Variants in SPRED3 observed in about 807,000 individuals in gnomAD.
The protein encoded by SPRED3 is sprouty-related, EVH1 domain-containing protein 3.
In SPRED3, 23 loss-of-function variants were observed where a neutral mutation model predicts 37.6. That is an observed-to-expected ratio of 0.61 (90% confidence interval 0.44 to 0.87). The LOEUF is 0.87. Among genes scored for constraint, SPRED3 ranks in the 40% least tolerant of loss-of-function variants. SPRED3 has a pLI of 0.00. For missense variants in SPRED3, 584 were observed against 618.6 expected, an observed-to-expected ratio of 0.94 and a Z score of 0.59; for synonymous variants, 302 against 279.6, an observed-to-expected ratio of 1.08 and a Z score of -0.80.
At chr19:38,392,475 C>T (rs960105730) in intron 4 of SPRED3, 187 bp downstream of exon 4, 6 of 647,090 alleles carry the variant, frequency 9.3e-6, no homozygotes, top group East Asian at 5.7e-5. Flanking sequence ...ATGATTCACA[C>T]GTTCATTCAA....
At chr19:38,391,329 A>G (rs1207619811) in intron 2 of SPRED3, among the ~76,000 whole-genome samples, 1 of 150,742 alleles carries the variant, frequency 6.6e-6, no homozygotes, top group Non-Finnish European at 1.5e-5. Context: ...ATCTGGAAAA[A>G]AAAAAAAAAA....
intron 2 of SPRED3, 45 bp from the exon 3 acceptor site, chr19:38,391,901 T>C (rs750141396): frequency 3.7e-6 from 6 of 1,605,008 alleles, no homozygotes; most frequent in Non-Finnish European, 5.1e-6. Context: ...GTCACAGGCA[T>C]GTCTGGGTTG....
In SPRED3 at chr19:38,395,191, G is replaced by A. The variant is rs1970879973; in HGVS notation, c.568-289G>A. The stretch of plus-strand genomic sequence containing the variant: ...GCGCCTTTAAGGAGGAGGTGGCTGG[G>A]TCCAGAACCCCTGGATCTCAAGGTA... On this transcript the variant is annotated intron_variant, in intron 5 of 5. Coordinates refer to ENST00000691638, the MANE Select transcript of SPRED3 (RefSeq NM_001394336.1). This position sits in a 1 kb window ranked among gnomAD's most constrained non-coding sequence, Gnocchi z 5.2. Among the ~76,000 whole-genome samples the A allele has an allele frequency of 6.6e-6, 1 of 152,070 alleles. No homozygotes were observed. Among genetic ancestry groups the A allele is most frequent in the African/African-American group, 2.4e-5 (1 of 41,404 alleles).
In SPRED3 at chr19:38,396,324, G is replaced by T. The variant is rs1970897528; in HGVS notation, c.*179G>T. On this transcript the variant is annotated 3_prime_UTR_variant, in exon 6 of 6. Transcript: ENST00000691638. ...CCAAACCTAGGACTGAGAGACCCCA[G>T]CCCCAGCTTCATTGGGGTGTCTGTC... is the stretch of plus-strand genomic sequence containing the variant. 2.5e-6 allele frequency: 1 copy of T among 404,884 alleles called. No homozygotes were observed. Among genetic ancestry groups the T allele is most frequent in the African/African-American group, 2.1e-5 (1 of 47,788 alleles). The allele number at this position is 404,884 out of a possible 1,614,324, so 25.1% of individuals were successfully genotyped here. A position where few individuals can be genotyped will look rare whatever the true frequency, so the allele number is the denominator to read the frequency against.
intron 4 of SPRED3, 129 bp downstream of exon 4, chr19:38,392,417 C>A: frequency 2.0e-6 from 2 of 1,022,688 alleles, no homozygotes; most frequent in Non-Finnish European, 2.7e-6. Flanking sequence ...TGGGCCGGAA[C>A]TATGAGTGTC....
In SPRED3 at chr19:38,395,658, G is replaced by A. The variant is rs772718996; in HGVS notation, c.746G>A (p.Gly249Asp). 6.6e-7 allele frequency: 1 copy of A among 1,519,888 alleles called. No individual in the cohort carries two copies. Among genetic ancestry groups the A allele is most frequent in the Non-Finnish European group, 8.7e-7 (1 of 1,144,764 alleles). 94.2% of individuals were successfully genotyped at this position (1,519,888 alleles called of 1,614,324 possible). ...VRFAKTGALR[G>D]AALGPPAALP... is the part of the protein sequence containing the mutation. The stretch of plus-strand genomic sequence containing the variant: ...TTCGCCAAGACCGGCGCGTTGAGGG[G>A]CGCTGCCCTGGGTCCCCCAGCGGCA... The change falls in exon 6 of 6, where the codon GGC becomes GAC. Residue 249 changes from glycine to aspartate, a missense_variant. Gly to Asp is a moderately conservative substitution (Grantham distance 94). Coordinates refer to ENST00000691638, the MANE Select transcript of SPRED3 (RefSeq NM_001394336.1). This position sits in a 1 kb window ranked among gnomAD's most constrained non-coding sequence, Gnocchi z 5.2.
rs531835354 is a variant in SPRED3 at position 38,396,271 on chromosome 19, G to A, written c.*126G>A. The stretch of plus-strand genomic sequence containing the variant: ...GGAACTTGGAGCTTGAGTTTGGATT[G>A]AGAGATCTCAGACCTGGAACCTGGA... On this transcript the variant is annotated 3_prime_UTR_variant, in exon 6 of 6. Coordinates refer to ENST00000691638, the MANE Select transcript of SPRED3 (RefSeq NM_001394336.1). The A allele has an allele frequency of 2.5e-5, 18 of 706,702 alleles. No homozygotes were observed. Among genetic ancestry groups the A allele is most frequent in the Admixed American group, 1.4e-4 (3 of 21,688 alleles). The allele number at this position is 706,702 out of a possible 1,614,324, so 43.8% of individuals were successfully genotyped here. A position where few individuals can be genotyped will look rare whatever the true frequency, so the allele number is the denominator to read the frequency against.
intron 4 of SPRED3, among the ~76,000 whole-genome samples, chr19:38,393,344 C>CTTTT (rs74176441): frequency 1.8e-3 from 220 of 121,108 alleles, no homozygotes; most frequent in East Asian, 6.0e-3. Context: ...ATACTATTAT[C>CTTTT]TTTTTTTTTT....
intron 2 of SPRED3, among the ~76,000 whole-genome samples, chr19:38,391,322 T>TG (rs1217591541): frequency 2.1e-5 from 3 of 140,146 alleles, no homozygotes; most frequent in African/African-American, 5.4e-5. Context: ...AGAGCTCATC[T>TG]GGAAAAAAAA....
intron 2 of SPRED3, 94 bp downstream of exon 2, chr19:38,390,573 C>T: frequency 9.4e-7 from 1 of 1,060,118 alleles, no homozygotes; most frequent in Non-Finnish European, 1.2e-6. Context: ...TGCCTCCCAG[C>T]CTAGGAATCA....
At chr19:38,390,262 A>G in intron 1 of SPRED3, 37 bp from the exon 2 acceptor site, 1 of 1,332,278 alleles carries the variant, frequency 7.5e-7, no homozygotes, top group Non-Finnish European at 9.7e-7. Flanking sequence ...TGAGCTCATG[A>G]CTGTGTTGTC....
In SPRED3 at chr19:38,395,638, C is replaced by G. The variant is rs747762330; in HGVS notation, c.726C>G (p.Ala242=). The change falls in exon 6 of 6, where the codon GCC becomes GCG. Residue 242 remains alanine (A), a synonymous_variant. Transcript: ENST00000691638. This position sits in a 1 kb window ranked among gnomAD's most constrained non-coding sequence, Gnocchi z 5.2. ...TGTCCACCTGCGTCGTGCGCTTCGC[C>G]AAGACCGGCGCGTTGAGGGGCGCTG... ...LALSTCVVRF[A]KTGALRGAAL... 5 of 1,536,856 alleles carry G rather than the reference C, an allele frequency of 3.3e-6. No individual in the cohort carries two copies. The highest frequency in any genetic ancestry group is 4.3e-6 in the Non-Finnish European group (5 of 1,151,416).
At position 38,392,091 on chromosome 19, in the gene SPRED3, C is replaced by T; in HGVS notation, c.323C>T (p.Ala108Val). 1 of 1,614,196 alleles carries T rather than the reference C, an allele frequency of 6.2e-7. No individual in the cohort carries two copies. The highest frequency in any genetic ancestry group is 1.3e-5 in the African/African-American group (1 of 75,042). ...GATGAGTTCCAGAAGAGCCTGCTGG[C>T]TGCGCTGGCCGCACTGGGTCGAGGT... ...EADEFQKSLLAALAALGRGSL... is the reference protein window; with the variant it reads ...EADEFQKSLLVALAALGRGSL... Residue 108 changes from alanine to valine, a missense_variant, in exon 3 of 6, where the codon GCT becomes GTT. Transcript: ENST00000691638.
chr19:38,394,741 C>T lies in SPRED3; in HGVS notation c.522C>T (p.Gly174=). The part of the protein sequence containing the change: ...APIITMESAS[G]FGPTTPPQRR... ...TCATCACGATGGAGTCAGCTTCAGGCTTCGGGCCGACCACGCCCCCCCAGC... is the reference window on the plus strand; with the variant it reads ...TCATCACGATGGAGTCAGCTTCAGGTTTCGGGCCGACCACGCCCCCCCAGC... Residue 174 remains glycine (G), a synonymous_variant, in exon 5 of 6, where the codon GGC becomes GGT. Transcript: ENST00000691638. The T allele has an allele frequency of 6.3e-7, 1 of 1,585,568 alleles. No homozygotes were observed. Among genetic ancestry groups the T allele is most frequent in the Non-Finnish European group, 8.6e-7 (1 of 1,168,796 alleles).
chr19:38,395,614 G>C lies in SPRED3; in HGVS notation c.702G>C (p.Leu234=). The change falls in exon 6 of 6, where the codon CTG becomes CTC. Residue 234 remains leucine (L), a synonymous_variant. Transcript: ENST00000691638. The surrounding 1 kb of genome is among the most constrained non-coding windows in gnomAD (Gnocchi z 5.2). ...CCGGGCCACCCGCGCCCCTCGCCCT[G>C]TCCACCTGCGTCGTGCGCTTCGCCA... ...RRSGPPAPLA[L]STCVVRFAKT... The C allele has an allele frequency of 6.5e-7, 1 of 1,548,458 alleles. No individual in the cohort carries two copies. The highest frequency in any genetic ancestry group is 8.7e-7 in the Non-Finnish European group (1 of 1,154,692).
chr19:38,389,254 G>T (rs1425705881), intron 1 of SPRED3, among the ~76,000 whole-genome samples: 2 of 152,042 alleles, frequency 1.3e-5, no homozygotes, highest in Non-Finnish European at 2.9e-5. Flanking sequence ...CCATCCCATT[G>T]AGAAAAGGGG....
chr19:38,395,883 T>C lies in SPRED3; in HGVS notation c.971T>C (p.Leu324Pro). 1 of 1,500,100 alleles carries C rather than the reference T, an allele frequency of 6.7e-7. No individual in the cohort carries two copies. The highest frequency in any genetic ancestry group is 2.8e-5 in the East Asian group (1 of 35,846). 92.9% of individuals were successfully genotyped at this position (1,500,100 alleles called of 1,614,324 possible). A position where few individuals can be genotyped will look rare whatever the true frequency, so the allele number is the denominator to read the frequency against. The part of the protein sequence containing the change: ...RCAEAPDPGR[L>P]LVRRLSCLWC... Reference sequence around the variant, plus strand: ...GCAGAGGCCCCGGACCCGGGTCGCCTCCTGGTGCGCCGTCTAAGCTGCCTG... The same window carrying C: ...GCAGAGGCCCCGGACCCGGGTCGCCCCCTGGTGCGCCGTCTAAGCTGCCTG... The change falls in exon 6 of 6, where the codon CTC (leucine) becomes CCC (proline). Residue 324 changes from leucine (L) to proline (P), a missense_variant. This residue lies in a region of SPRED3 where 67 missense variants were observed against 57.4 expected (regional missense o/e 1.17). Coordinates refer to ENST00000691638, the MANE Select transcript of SPRED3 (RefSeq NM_001394336.1). The surrounding 1 kb of genome is among the most constrained non-coding windows in gnomAD (Gnocchi z 5.2).
At chr19:38,394,841 C>G in intron 5 of SPRED3, 55 bp downstream of exon 5, 1 of 1,473,322 alleles carries the variant, frequency 6.8e-7, no homozygotes. Flanking sequence ...ACTCGGGGCC[C>G]GAAGGGAGCG....
Position 38,398,763 on chromosome 19 carries a change from C to G in SPRED3, c.*2618C>G, listed in dbSNP as rs1360419247. 1 of 152,256 alleles carries G rather than the reference C, an allele frequency of 6.6e-6. No individual in the cohort carries two copies. Among genetic ancestry groups the G allele is most frequent in the Admixed American group, 6.5e-5 (1 of 15,282 alleles). The allele number at this position is 152,256 out of a possible 1,614,324, so 9.4% of individuals were successfully genotyped here. ...GGGACCTGCATCTGGCCCCAAGCAT[C>G]TGGAACTGTGCACTTAACCTTTCTT... On this transcript the variant is annotated 3_prime_UTR_variant, in exon 6 of 6. Coordinates refer to ENST00000691638, the MANE Select transcript of SPRED3 (RefSeq NM_001394336.1).
Sources: allele counts gnomAD v4.1 joint callset (sites outside exome capture counted in the v4.1 genomes callset), GRCh38; gene constraint gnomAD v4.1.1; regional missense constraint gnomAD v4.1.1; non-coding constraint Gnocchi (gnomAD v3.1); transcripts MANE v1.5; gene names NCBI Gene and HGNC (gene_info 2026-07-23, HGNC 2026-07-21).